Variants in KCNC2 observed in about 807,000 individuals in gnomAD.
KCNC2 encodes the protein voltage-gated potassium channel KCNC2.
KCNC2 carries 21 observed loss-of-function variants against 44.5 expected under a neutral mutation model. That is an observed-to-expected ratio of 0.47 (90% CI 0.33 to 0.68). KCNC2 has a LOEUF of 0.68. KCNC2 is among the 30% of genes least tolerant of loss of function. The pLI is 0.01. For missense variants in KCNC2, 589 were observed against 826.2 expected (o/e 0.71, Z 3.52); for synonymous variants, 391 against 339.1 (o/e 1.15, Z -1.68).
At chr12:75,187,146 T>A (rs1313966868) in intron 2 of KCNC2, among the ~76,000 whole-genome samples, 1 of 152,194 alleles carries the variant, frequency 6.6e-6, no homozygotes, top group African/African-American at 2.4e-5. Flanking sequence ...ATAAGCACTT[T>A]CCCTTTTTGT....
chr12:75,204,991 A>G (rs1180372222), intron 2 of KCNC2, among the ~76,000 whole-genome samples: 1 of 152,150 alleles, frequency 6.6e-6, no homozygotes, highest in Non-Finnish European at 1.5e-5. Context: ...TGGGTGGTAA[A>G]GGGTAAAAAT....
chr12:75,168,694 T>A (rs913731338), intron 2 of KCNC2, among the ~76,000 whole-genome samples: 6 of 151,598 alleles, frequency 4.0e-5, no homozygotes, highest in Non-Finnish European at 7.4e-5. Flanking sequence ...CAAATATGTT[T>A]TTAAATTTAT....
At chr12:75,067,475 A>G (rs1469630632) in intron 2 of KCNC2, among the ~76,000 whole-genome samples, 1 of 152,216 alleles carries the variant, frequency 6.6e-6, no homozygotes, top group Non-Finnish European at 1.5e-5. Context: ...ACAGATATGA[A>G]CAGTCCTATG....
At chr12:75,139,595 C>T (rs1889495517) in intron 2 of KCNC2, among the ~76,000 whole-genome samples, 1 of 152,202 alleles carries the variant, frequency 6.6e-6, no homozygotes, top group Non-Finnish European at 1.5e-5. Flanking sequence ...CAGCCTTTCT[C>T]TCTCTTTCTC....
At chr12:75,172,561 G>A (rs549619116) in intron 2 of KCNC2, among the ~76,000 whole-genome samples, 1 of 151,670 alleles carries the variant, frequency 6.6e-6, no homozygotes, top group Admixed American at 6.6e-5. Flanking sequence ...CAGAGCTTTA[G>A]TCTATTTCTA....
At chr12:75,195,659 C>A (rs758655263) in intron 2 of KCNC2, among the ~76,000 whole-genome samples, 20 of 152,096 alleles carry the variant, frequency 1.3e-4, no homozygotes, top group Non-Finnish European at 2.2e-4. Context: ...TGTCTCCTAC[C>A]ACCTGTGTTA....
chr12:75,053,614 A>G (rs900595366), intron 2 of KCNC2, among the ~76,000 whole-genome samples: 2 of 151,708 alleles, frequency 1.3e-5, no homozygotes, highest in Admixed American at 1.3e-4. Context: ...GTATTATTCT[A>G]CTTTGCTATT....
chr12:75,200,335 A>G (rs927656132), intron 2 of KCNC2, among the ~76,000 whole-genome samples: 1 of 151,850 alleles, frequency 6.6e-6, no homozygotes, highest in African/African-American at 2.4e-5. Flanking sequence ...CTGTGAATTG[A>G]GGCAGTTGTG....
At chr12:75,172,063 C>T (rs529599433) in intron 2 of KCNC2, among the ~76,000 whole-genome samples, 3 of 151,828 alleles carry the variant, frequency 2.0e-5, no homozygotes, top group East Asian at 1.9e-4. Context: ...CCCTCACCCC[C>T]CAAAGAAAGG....
intron 4 of KCNC2, chr12:75,043,759 T>C: frequency 6.6e-7 from 1 of 1,511,710 alleles, no homozygotes; most frequent in Non-Finnish European, 8.8e-7. Context: ...TCTTAAATAA[T>C]GGCATTTGGT....
rs1480323436 is a variant in KCNC2 at position 75,040,478 on chromosome 12, A to T, written c.*2627T>A. The T allele has an allele frequency of 2.0e-5, 3 of 152,664 alleles. No homozygotes were observed. The highest frequency in any genetic ancestry group is 4.8e-5 in the African/African-American group (2 of 41,436). The allele number at this position is 152,664 out of a possible 1,614,324, so 9.5% of individuals were successfully genotyped here. On this transcript the variant is annotated 3_prime_UTR_variant, in exon 5 of 5. Coordinates refer to ENST00000549446, the MANE Select transcript of KCNC2 (RefSeq NM_139137.4). ...TATATACTGACATTGCTCCTTGATC[A>T]TTGAATAAAAAAATACTCTCATTGC...
At chr12:75,109,631 A>G (rs1404278708) in intron 2 of KCNC2, among the ~76,000 whole-genome samples, 1 of 152,050 alleles carries the variant, frequency 6.6e-6, no homozygotes, top group Non-Finnish European at 1.5e-5. Context: ...TCCCCTGTCT[A>G]TTCACCTGTG....
chr12:75,150,496 A>T (rs1003041306), intron 2 of KCNC2, among the ~76,000 whole-genome samples: 11 of 151,852 alleles, frequency 7.2e-5, no homozygotes, highest in Admixed American at 7.2e-4. Context: ...ACTTTTGCTT[A>T]AAAACTCCAC....
intron 2 of KCNC2, among the ~76,000 whole-genome samples, chr12:75,204,293 G>C (rs1381962636): frequency 2.0e-5 from 3 of 151,952 alleles, no homozygotes; most frequent in Non-Finnish European, 4.4e-5. Context: ...TCACAGAGGA[G>C]AGGGACATGC....
chr12:75,067,578 AGGCTTCCCTGACTCTCTTCTACAT>A lies in KCNC2; in HGVS notation c.688-16285_688-16262del, dbSNP rs574969712. Among the ~76,000 whole-genome samples, 741 of 152,266 alleles carry A rather than the reference AGGCTTCCCTGACTCTCTTCTACAT, an allele frequency of 4.9e-3. 17 individuals are homozygous for A. Among genetic ancestry groups the A allele is most frequent in the Non-Finnish European group, 7.9e-4 (54 of 68,008 alleles). ...ATTGAACTCTACTTACTTTTTAAAAAGGCTTCCCTGACTCTCTTCTACATGGCTTGCTGTGTTTGAAGAAAAATA... is the reference window on the plus strand; with the variant it reads ...ATTGAACTCTACTTACTTTTTAAAAAGGCTTGCTGTGTTTGAAGAAAAATA... On this transcript the variant is annotated intron_variant, in intron 2 of 4. Coordinates refer to ENST00000549446, the MANE Select transcript of KCNC2 (RefSeq NM_139137.4).
In KCNC2 at chr12:75,041,398, T is replaced by C; in HGVS notation, c.*1707A>G. 7.2e-7 allele frequency: 1 copy of C among 1,386,762 alleles called. No individual in the cohort carries two copies. Among genetic ancestry groups the C allele is most frequent in the Non-Finnish European group, 9.4e-7 (1 of 1,068,604 alleles). The allele number at this position is 1,386,762 out of a possible 1,614,324, so 85.9% of individuals were successfully genotyped here. A position where few individuals can be genotyped will look rare whatever the true frequency, so the allele number is the denominator to read the frequency against. On this transcript the variant is annotated 3_prime_UTR_variant, in exon 5 of 5. Coordinates refer to ENST00000549446, the MANE Select transcript of KCNC2 (RefSeq NM_139137.4). ...CAGGTCATGCTCTAGGACTTGGGGA[T>C]ATAGAGTAATACATGTTTCGTGGCC...
At chr12:75,122,044 C>G (rs12298691) in intron 2 of KCNC2, among the ~76,000 whole-genome samples, 22,995 of 151,996 alleles carry the variant, frequency 0.15, 2,079 homozygotes, top group Middle Eastern at 0.27. Flanking sequence ...AGTGACCTAG[C>G]CAAAGTACTT....
chr12:75,150,944 T>C (rs1890348121), intron 2 of KCNC2, among the ~76,000 whole-genome samples: 1 of 151,964 alleles, frequency 6.6e-6, no homozygotes, highest in Non-Finnish European at 1.5e-5. Flanking sequence ...CCCATGTTCT[T>C]GAATTAACAC....
intron 2 of KCNC2, among the ~76,000 whole-genome samples, chr12:75,056,002 T>C (rs1881708817): frequency 6.6e-6 from 1 of 152,052 alleles, no homozygotes; most frequent in African/African-American, 2.4e-5. Context: ...ACTGTGTCCT[T>C]TCTCTGTGCT....
Sources: allele counts gnomAD v4.1 joint callset (sites outside exome capture counted in the v4.1 genomes callset), GRCh38; gene constraint gnomAD v4.1.1; transcripts MANE v1.5; gene names NCBI Gene and HGNC (gene_info 2026-07-23, HGNC 2026-07-21).